Variants in CNTNAP2 observed in about 807,000 individuals in gnomAD.
The protein encoded by CNTNAP2 is contactin-associated protein-like 2.
CNTNAP2 carries 98 observed loss-of-function variants against 155.2 expected under a neutral mutation model. The ratio of observed to expected loss-of-function variants is 0.63; its 90% confidence interval spans 0.54 to 0.75. The LOEUF is 0.75. Ranked by LOEUF, CNTNAP2 falls within the 30% of genes least tolerant of loss-of-function variation. CNTNAP2 has a pLI of 0.00. For missense variants in CNTNAP2, 1,727 were observed against 1,688.1 expected (o/e 1.02, Z -0.40); for synonymous variants, 651 against 631.2 (o/e 1.03, Z -0.47).
rs1047147361 is a variant in CNTNAP2 at position 146,443,712 on chromosome 7, C to CT, written c.97+326746dup. Among the ~76,000 whole-genome samples, 24 of 152,282 alleles carry CT rather than the reference C, an allele frequency of 1.6e-4. No homozygotes were observed. The East Asian group carries it at 1.7e-3, about 11-fold the overall frequency. On this transcript the variant is annotated intron_variant, in intron 1 of 23. Transcript: ENST00000361727. The stretch of plus-strand genomic sequence containing the variant: ...TCAGGTTTTGTCTGCCTGTCAACCA[C>CT]TTTTTTTATAAAGAAGACATCTAGA...
At chr7:147,371,847 CAT>C (rs1290349127) in intron 9 of CNTNAP2, among the ~76,000 whole-genome samples, 3 of 152,036 alleles carry the variant, frequency 2.0e-5, no homozygotes, top group South Asian at 4.1e-4. Context: ...AAAATATAGT[CAT>C]ATATATTATT....
chr7:148,253,463 T>C (rs1023088879), intron 20 of CNTNAP2, among the ~76,000 whole-genome samples: 2 of 152,220 alleles, frequency 1.3e-5, no homozygotes, highest in East Asian at 1.9e-4. Flanking sequence ...CTTCATTGTT[T>C]CATGTCATGT....
At chr7:148,401,788 CG>C (rs1446707323) in intron 22 of CNTNAP2, among the ~76,000 whole-genome samples, 5 of 151,886 alleles carry the variant, frequency 3.3e-5, no homozygotes, top group African/African-American at 9.7e-5. Context: ...TTAGTAGAGA[CG>C]GGGTTTCACC....
At chr7:146,497,124 TTGTACATGCACC>T (rs548661126) in intron 1 of CNTNAP2, among the ~76,000 whole-genome samples, 144 of 152,330 alleles carry the variant, frequency 9.5e-4, no homozygotes, top group African/African-American at 3.3e-3. Flanking sequence ...TCTGCTCTTC[TTGTACATGCACC>T]TACTTACCAC....
chr7:147,393,825 A>G (rs888584270), intron 9 of CNTNAP2, among the ~76,000 whole-genome samples: 6 of 151,994 alleles, frequency 3.9e-5, no homozygotes, highest in Admixed American at 3.9e-4. Flanking sequence ...TTATTTTTAT[A>G]CAGTACTGTG....
intron 1 of CNTNAP2, among the ~76,000 whole-genome samples, chr7:146,451,450 A>G (rs1796479546): frequency 6.6e-6 from 1 of 151,970 alleles, no homozygotes; most frequent in Non-Finnish European, 1.5e-5. Context: ...CCACCACTCC[A>G]CAGCCTACAC....
At chr7:146,564,905 T>C (rs529448885) in intron 1 of CNTNAP2, among the ~76,000 whole-genome samples, 25 of 152,224 alleles carry the variant, frequency 1.6e-4, no homozygotes, top group Non-Finnish European at 3.5e-4. Flanking sequence ...TTATACATAT[T>C]CTATAGATAA....
intron 1 of CNTNAP2, among the ~76,000 whole-genome samples, chr7:146,297,952 T>G (rs2129087801): frequency 6.6e-6 from 1 of 152,244 alleles, no homozygotes; most frequent in South Asian, 2.1e-4. Context: ...CAAATATGTG[T>G]ATTTTGTTTG....
At chr7:146,298,131 A>G (rs964932174) in intron 1 of CNTNAP2, among the ~76,000 whole-genome samples, 1 of 152,198 alleles carries the variant, frequency 6.6e-6, no homozygotes, top group Non-Finnish European at 1.5e-5. Flanking sequence ...ATCAAAGAAT[A>G]AGGCAAGGGA....
intron 5 of CNTNAP2, among the ~76,000 whole-genome samples, chr7:147,115,652 G>C (rs1800970999): frequency 6.6e-6 from 1 of 152,048 alleles, no homozygotes; most frequent in African/African-American, 2.4e-5. Context: ...GTGTTTTTCA[G>C]CTCTAACATG....
In CNTNAP2 at chr7:148,401,242, C is replaced by T. The variant is rs561694359; in HGVS notation, c.3716-8149C>T. Among the ~76,000 whole-genome samples, 5 of 152,240 alleles carry T rather than the reference C, an allele frequency of 3.3e-5. No homozygotes were observed. In the South Asian group the frequency reaches 6.2e-4, roughly 19 times the overall value. Reference sequence around the variant, plus strand: ...CATGAGAGAGTCCTGAATGAGGAGTCGAAAGACCTCGTCCTCGTAGCAGCG... The same window carrying T: ...CATGAGAGAGTCCTGAATGAGGAGTTGAAAGACCTCGTCCTCGTAGCAGCG... On this transcript the variant is annotated intron_variant, in intron 22 of 23. Transcript: ENST00000361727.
At chr7:148,192,194 A>G (rs887961545) in intron 18 of CNTNAP2, among the ~76,000 whole-genome samples, 1 of 152,170 alleles carries the variant, frequency 6.6e-6, no homozygotes, top group Non-Finnish European at 1.5e-5. Flanking sequence ...ATAGTGGTGA[A>G]GTCAGAGCTT....
intron 2 of CNTNAP2, among the ~76,000 whole-genome samples, chr7:146,821,845 G>T (rs1429509512): frequency 4.4e-4 from 66 of 151,684 alleles, no homozygotes; most frequent in African/African-American, 1.6e-3. Context: ...AGGATGTGGA[G>T]AAATAGGAAC....
intron 9 of CNTNAP2, among the ~76,000 whole-genome samples, chr7:147,366,195 A>T (rs539926437): frequency 1.9e-4 from 29 of 152,252 alleles, no homozygotes; most frequent in Non-Finnish European, 3.1e-4. Flanking sequence ...CATTCATTAG[A>T]TTTCCAAAAT....
intron 1 of CNTNAP2, among the ~76,000 whole-genome samples, chr7:146,513,249 T>C (rs1002338656): frequency 1.3e-5 from 2 of 151,950 alleles, no homozygotes; most frequent in Non-Finnish European, 2.9e-5. Flanking sequence ...AAAAAATATA[T>C]TCATCTACCC....
At chr7:147,582,314 A>G (rs1584830092) in intron 12 of CNTNAP2, among the ~76,000 whole-genome samples, 1 of 152,136 alleles carries the variant, frequency 6.6e-6, no homozygotes, top group Non-Finnish European at 1.5e-5. Flanking sequence ...CTCTGTTTCA[A>G]CAAATCTAAA....
chr7:147,489,424 T>A (rs1798567036), intron 11 of CNTNAP2, among the ~76,000 whole-genome samples: 1 of 152,230 alleles, frequency 6.6e-6, no homozygotes, highest in Non-Finnish European at 1.5e-5. Flanking sequence ...TGCAAATACA[T>A]TAAATTGTTG....
At chr7:147,939,703 C>T (rs914037976) in intron 14 of CNTNAP2, among the ~76,000 whole-genome samples, 1 of 152,108 alleles carries the variant, frequency 6.6e-6, no homozygotes, top group African/African-American at 2.4e-5. Context: ...CCTTTAAATG[C>T]ATTGTCAAGA....
intron 1 of CNTNAP2, among the ~76,000 whole-genome samples, chr7:146,180,902 G>A (rs1184231322): frequency 3.3e-5 from 5 of 152,174 alleles, no homozygotes; most frequent in East Asian, 3.9e-4. Context: ...TCGGGTGTAT[G>A]TGCTGTGCCT....
Sources: gnomAD v4.1 joint callset for allele counts (sites outside exome capture counted in the v4.1 genomes callset) on GRCh38, gnomAD v4.1.1 for gene constraint, MANE v1.5 for transcripts, NCBI Gene and HGNC (gene_info 2026-07-23, HGNC 2026-07-21) for gene names.